Variants in FHIT observed in about 807,000 individuals in gnomAD.
FHIT encodes fragile histidine triad diadenosine triphosphatase.
In FHIT, 19 loss-of-function variants were observed where a neutral mutation model predicts 17.9. The ratio of observed to expected loss-of-function variants is 1.06; its 90% CI spans 0.74 to 1.56. The LOEUF is 1.56. Ranked by LOEUF, FHIT falls within the 40% of genes most tolerant of loss-of-function variation. FHIT has a pLI of 0.00. For synonymous variants in FHIT, 81 were observed against 69.7 expected (o/e 1.16, Z -0.81); for missense variants, 248 against 189.2 (o/e 1.31, Z -1.82).
intron 4 of FHIT, among the ~76,000 whole-genome samples, chr3:60,705,565 G>GGATC (rs1244186756): frequency 6.6e-6 from 1 of 152,118 alleles, no homozygotes; most frequent in Non-Finnish European, 1.5e-5. Flanking sequence ...TGGTCTCTAG[G>GGATC]GATCACTTGG....
chr3:61,086,618 C>T (rs2035314394), intron 2 of FHIT, among the ~76,000 whole-genome samples: 1 of 152,082 alleles, frequency 6.6e-6, no homozygotes, highest in Non-Finnish European at 1.5e-5. Context: ...CACTTCAATG[C>T]ACCTCCTCCC....
At chr3:61,063,868 A>G (rs2034514052) in intron 2 of FHIT, among the ~76,000 whole-genome samples, 1 of 152,212 alleles carries the variant, frequency 6.6e-6, no homozygotes, top group African/African-American at 2.4e-5. Flanking sequence ...TTTCAATGTC[A>G]TGTTTAAAAA....
chr3:61,245,723 A>G (rs2040473460), intron 1 of FHIT, among the ~76,000 whole-genome samples: 1 of 152,224 alleles, frequency 6.6e-6, no homozygotes, highest in African/African-American at 2.4e-5. Flanking sequence ...GTATATGTTT[A>G]TGGTATACAA....
At chr3:60,851,583 A>C (rs918004883) in intron 3 of FHIT, among the ~76,000 whole-genome samples, 2 of 152,260 alleles carry the variant, frequency 1.3e-5, no homozygotes, top group African/African-American at 4.8e-5. Context: ...TGTGTGATTA[A>C]ATTGGCAAAA....
intron 4 of FHIT, among the ~76,000 whole-genome samples, chr3:60,762,288 T>C (rs545285519): frequency 6.6e-6 from 1 of 152,268 alleles, no homozygotes; most frequent in South Asian, 2.1e-4. Context: ...ATCAAAAAGA[T>C]ATCGGTTGAT....
intron 5 of FHIT, among the ~76,000 whole-genome samples, chr3:60,451,042 TG>T (rs1309964557): frequency 6.6e-6 from 1 of 152,178 alleles, no homozygotes; most frequent in Non-Finnish European, 1.5e-5. Flanking sequence ...TAGGAGTTCT[TG>T]GGCCAACGAA....
intron 4 of FHIT, among the ~76,000 whole-genome samples, chr3:60,618,630 A>G (rs2682978): frequency 0.48 from 73,632 of 152,076 alleles, 18,048 homozygotes; most frequent in East Asian, 0.6. Context: ...GCCACACCTA[A>G]AGATGTCAAC....
chr3:59,858,351 C>T (rs938949096), intron 8 of FHIT, among the ~76,000 whole-genome samples: 3 of 148,918 alleles, frequency 2.0e-5, no homozygotes, highest in Non-Finnish European at 3.0e-5. Context: ...CTCAGCCTCC[C>T]AAGTAGCTGG....
At chr3:59,972,292 C>T (rs1417120785) in intron 7 of FHIT, among the ~76,000 whole-genome samples, 2 of 152,006 alleles carry the variant, frequency 1.3e-5, no homozygotes, top group Non-Finnish European at 2.9e-5. Context: ...AGACATAGGG[C>T]CACTTAACCT....
At chr3:60,574,643 T>C (rs1299679324) in intron 4 of FHIT, among the ~76,000 whole-genome samples, 1 of 152,122 alleles carries the variant, frequency 6.6e-6, no homozygotes, top group Non-Finnish European at 1.5e-5. Context: ...ATCTTTACAT[T>C]GACTACATCA....
intron 5 of FHIT, among the ~76,000 whole-genome samples, chr3:60,068,218 G>C (rs975821144): frequency 2.0e-5 from 3 of 152,130 alleles, no homozygotes; most frequent in Non-Finnish European, 2.9e-5. Flanking sequence ...CTGGGCAACA[G>C]AGCGAGACTC....
intron 5 of FHIT, among the ~76,000 whole-genome samples, chr3:60,109,333 A>G (rs745709921): frequency 6.6e-6 from 1 of 152,180 alleles, no homozygotes. Flanking sequence ...TGAACTTTTC[A>G]TGTCATCTCA....
At chr3:60,126,113 G>A (rs1412681130) in intron 5 of FHIT, among the ~76,000 whole-genome samples, 1 of 152,092 alleles carries the variant, frequency 6.6e-6, no homozygotes, top group African/African-American at 2.4e-5. Context: ...GTCTGATCTA[G>A]CAGAAAGATC....
chr3:61,208,773 T>C (rs4688348), intron 1 of FHIT, among the ~76,000 whole-genome samples: 6,168 of 152,138 alleles, frequency 0.041, 175 homozygotes, highest in Admixed American at 0.069. Context: ...TTTATCCAAT[T>C]TGCCAATCTG....
intron 5 of FHIT, among the ~76,000 whole-genome samples, chr3:60,290,944 G>T (rs981718482): frequency 6.6e-6 from 1 of 152,144 alleles, no homozygotes; most frequent in African/African-American, 2.4e-5. Context: ...AAGTCCAAAG[G>T]CTGGACTGAG....
chr3:59,843,306 T>C (rs1701598283), intron 8 of FHIT, among the ~76,000 whole-genome samples: 1 of 152,186 alleles, frequency 6.6e-6, no homozygotes, highest in Non-Finnish European at 1.5e-5. Flanking sequence ...CAATACCACA[T>C]TGCTTTGACT....
chr3:60,618,325 G>C (rs72889633), intron 4 of FHIT, among the ~76,000 whole-genome samples: 1,856 of 152,182 alleles, frequency 0.012, 48 homozygotes, highest in African/African-American at 0.043. Context: ...GATACAGGCT[G>C]TGCTGCTGTA....
At chr3:60,310,350 A>G (rs931876161) in intron 5 of FHIT, among the ~76,000 whole-genome samples, 1 of 152,140 alleles carries the variant, frequency 6.6e-6, no homozygotes, top group Non-Finnish European at 1.5e-5. Context: ...CTGGTGCTGA[A>G]AAGAATAAGG....
intron 4 of FHIT, among the ~76,000 whole-genome samples, chr3:60,590,138 A>G (rs782593496): frequency 6.6e-6 from 1 of 152,086 alleles, no homozygotes; most frequent in Non-Finnish European, 1.5e-5. Context: ...TTGTAATTCA[A>G]TTAGAAATTT....
Sources: gnomAD v4.1 joint callset for allele counts (sites outside exome capture counted in the v4.1 genomes callset) on GRCh38, gnomAD v4.1.1 for gene constraint, MANE v1.5 for transcripts, NCBI Gene and HGNC (gene_info 2026-07-23, HGNC 2026-07-21) for gene names.